EFTUD2: variants seen among roughly 807,000 people sequenced by gnomAD.
EFTUD2 encodes the protein elongation factor Tu GTP binding domain containing 2.
Under a neutral mutation model 114.3 loss-of-function variants are expected in EFTUD2, and 9 were observed. That is an observed-to-expected ratio of 0.08 (90% CI 0.05 to 0.14). EFTUD2 has a LOEUF of 0.14. Among genes scored for constraint, EFTUD2 ranks in the 10% least tolerant of loss-of-function variants. EFTUD2 has a pLI of 1.00. For synonymous variants in EFTUD2, 449 were observed against 462.3 expected (o/e 0.97, Z 0.37); for missense variants, 765 against 1,241.2 (o/e 0.62, Z 5.76).
Position 44,859,164 on chromosome 17 carries a change from C to T in EFTUD2, c.1878G>A (p.Glu626=), listed in dbSNP as rs759253573. The T allele has an allele frequency of 1.9e-6, 3 of 1,613,484 alleles. No individual in the cohort carries two copies. Among genetic ancestry groups the T allele is most frequent in the Non-Finnish European group, 2.5e-6 (3 of 1,179,358 alleles). ...SLTTKVEESG[E]HVILGTGELY... ...GCTCCCCAGTGCCCAGGATCACATG[C>T]TCGCCAGACTCCTCCACCTGAAACA... The change falls in exon 19 of 28, where the codon GAG becomes GAA. Residue 626 remains glutamate, a synonymous_variant. Coordinates refer to ENST00000426333, the MANE Select transcript of EFTUD2 (RefSeq NM_004247.4).
chr17:44,867,590 A>G (rs576346630), intron 13 of EFTUD2, among the ~76,000 whole-genome samples: 90 of 151,812 alleles, frequency 5.9e-4, no homozygotes, highest in African/African-American at 2.1e-3. Context: ...ATGAGCCACC[A>G]TGCCCGGGCC....
intron 1 of EFTUD2, among the ~76,000 whole-genome samples, chr17:44,898,537 T>C (rs1036781934): frequency 7.2e-5 from 11 of 152,212 alleles, no homozygotes; most frequent in Admixed American, 2.6e-4. Flanking sequence ...GAAACTGTTA[T>C]AGAAAGCTGT....
intron 2 of EFTUD2, chr17:44,893,999 G>C (rs2051329891): frequency 5.9e-6 from 1 of 168,840 alleles, no homozygotes; most frequent in African/African-American, 2.4e-5. Flanking sequence ...GGACCTGGGA[G>C]GCAGAGGCTG....
At chr17:44,858,964 G>A in intron 19 of EFTUD2, 116 bp downstream of exon 19, 1 of 733,634 alleles carries the variant, frequency 1.4e-6, no homozygotes, top group East Asian at 2.6e-5. Context: ...AACAGATCAT[G>A]GTTTTCACAA....
intron 2 of EFTUD2, among the ~76,000 whole-genome samples, chr17:44,890,950 T>C (rs190695930): frequency 1.3e-5 from 2 of 152,252 alleles, no homozygotes; most frequent in Admixed American, 1.3e-4. Flanking sequence ...CATATGAGAA[T>C]GTACACTGGA....
At chr17:44,898,360 G>A (rs1370399191) in intron 1 of EFTUD2, among the ~76,000 whole-genome samples, 1 of 152,142 alleles carries the variant, frequency 6.6e-6, no homozygotes, top group African/African-American at 2.4e-5. Flanking sequence ...TGGGACTACA[G>A]GAGTGCACCA....
intron 2 of EFTUD2, among the ~76,000 whole-genome samples, chr17:44,889,723 G>A (rs2051243847): frequency 6.6e-6 from 1 of 152,094 alleles, no homozygotes; most frequent in Admixed American, 6.5e-5. Context: ...TGGTGAGACC[G>A]GCTACCTCCT....
chr17:44,895,882 T>G (rs903133890), intron 1 of EFTUD2: 2 of 152,244 alleles, frequency 1.3e-5, no homozygotes, highest in African/African-American at 4.8e-5. Flanking sequence ...CTAGTCTCTT[T>G]GGATCTACAA....
intron 3 of EFTUD2, among the ~76,000 whole-genome samples, chr17:44,885,678 TG>T (rs747470171): frequency 2.0e-5 from 3 of 152,080 alleles, no homozygotes; most frequent in Non-Finnish European, 4.4e-5. Context: ...CTTTTTTTTT[TG>T]GGAGACAGGG....
chr17:44,862,810 C>T lies in EFTUD2; in HGVS notation c.1510G>A (p.Gly504Arg). 1 of 1,614,068 alleles carries T rather than the reference C, an allele frequency of 6.2e-7. No individual in the cohort carries two copies. Among genetic ancestry groups the T allele is most frequent in the East Asian group, 2.2e-5 (1 of 44,874 alleles). The part of the protein sequence containing the change: ...GRVLSGTIHA[G>R]QPVKVLGENY... ...TCCCCCAGTACCTTCACAGGCTGCC[C>T]AGCATGAATGGTGCCACTCAGCACC... Residue 504 changes from glycine to arginine, a missense_variant, in exon 16 of 28, where the codon GGG becomes AGG. Around this residue, in one of 6 missense-constraint regions of EFTUD2, gnomAD observed 149 missense variants for 245.1 expected, o/e 0.61. Coordinates refer to ENST00000426333, the MANE Select transcript of EFTUD2 (RefSeq NM_004247.4).
intron 5 of EFTUD2, among the ~76,000 whole-genome samples, chr17:44,883,374 A>G (rs528698569): frequency 1.3e-5 from 2 of 152,314 alleles, no homozygotes; most frequent in South Asian, 4.1e-4. Context: ...CAGGAAATGA[A>G]AACTTATAAA....
At chr17:44,886,542 G>A in intron 3 of EFTUD2, 43 bp downstream of exon 3, 1 of 1,601,522 alleles carries the variant, frequency 6.2e-7, no homozygotes, top group Non-Finnish European at 8.5e-7. Flanking sequence ...GAAGTTTCCA[G>A]GTTTCAATTT....
chr17:44,855,875 C>G (rs879817084), intron 20 of EFTUD2, among the ~76,000 whole-genome samples: 27 of 151,616 alleles, frequency 1.8e-4, no homozygotes, highest in Non-Finnish European at 3.4e-4. Flanking sequence ...TTGCTTGGAC[C>G]CGGGAGGCAG....
chr17:44,897,012 C>A (rs866244369), intron 1 of EFTUD2, among the ~76,000 whole-genome samples: 1 of 151,648 alleles, frequency 6.6e-6, no homozygotes, highest in Non-Finnish European at 1.5e-5. Context: ...GTCAGGAGAT[C>A]GAGACCATCC....
Position 44,882,376 on chromosome 17 carries a change from T to G in EFTUD2, c.493-654A>C, listed in dbSNP as rs537645501. On this transcript the variant is annotated intron_variant, in intron 6 of 27. Coordinates refer to ENST00000426333, the MANE Select transcript of EFTUD2 (RefSeq NM_004247.4). ...AAGCGATTCTCCTGCCTCAGCCCCTTGAGTAGCTGGGACTACAGGTGTGCA... is the reference window on the plus strand; with the variant it reads ...AAGCGATTCTCCTGCCTCAGCCCCTGGAGTAGCTGGGACTACAGGTGTGCA... Among the ~76,000 whole-genome samples, 12 of 152,238 alleles carry G rather than the reference T, an allele frequency of 7.9e-5. No individual in the cohort carries two copies. In the East Asian group the frequency reaches 2.1e-3, roughly 27 times the overall value.
At chr17:44,880,151 A>AG (rs1022928667) in intron 8 of EFTUD2, among the ~76,000 whole-genome samples, 14 of 152,254 alleles carry the variant, frequency 9.2e-5, no homozygotes, top group Admixed American at 6.5e-4. Context: ...TTTCCATAGG[A>AG]GGAAGAGTCA....
At chr17:44,870,745 C>A (rs2050834454) in intron 11 of EFTUD2, among the ~76,000 whole-genome samples, 1 of 152,142 alleles carries the variant, frequency 6.6e-6, no homozygotes, top group Non-Finnish European at 1.5e-5. Flanking sequence ...ACAGGCCAGG[C>A]ACAGTGGCTC....
At chr17:44,897,159 T>A (rs1200411457) in intron 1 of EFTUD2, among the ~76,000 whole-genome samples, 1 of 136,036 alleles carries the variant, frequency 7.4e-6, no homozygotes, top group Non-Finnish European at 1.5e-5. Flanking sequence ...GAGCTTGCAG[T>A]GAGCGGAGAC....
intron 2 of EFTUD2, among the ~76,000 whole-genome samples, chr17:44,892,730 C>T (rs1375169870): frequency 4.6e-5 from 7 of 150,578 alleles, no homozygotes; most frequent in Non-Finnish European, 8.9e-5. Context: ...GTCTACCTCC[C>T]GGGTTCAAGC....
Sources: allele counts gnomAD v4.1 joint callset (sites outside exome capture counted in the v4.1 genomes callset), GRCh38; gene constraint gnomAD v4.1.1; regional missense constraint gnomAD v4.1.1; transcripts MANE v1.5; gene names NCBI Gene and HGNC (gene_info 2026-07-23, HGNC 2026-07-21).